The following RAB38 variants were observed in gnomAD, a reference collection of about 807,000 sequenced individuals.
The protein encoded by RAB38 is RAB38, member RAS oncogene family.
In RAB38, 15 loss-of-function variants were observed where a neutral mutation model predicts 18.4. That is an observed-to-expected ratio of 0.82 (90% confidence interval 0.55 to 1.26). The LOEUF (loss-of-function observed/expected upper bound fraction) is 1.26. Ranked by LOEUF, RAB38 falls within the 50% of genes most tolerant of loss-of-function variation. The probability of loss-of-function intolerance (pLI) is 0.00; values close to 1 mark genes in which losing one functional copy is unlikely to be tolerated. For missense variants in RAB38, 294 were observed against 267.4 expected (o/e 1.10, Z -0.69); for synonymous variants, 101 against 104.4 (o/e 0.97, Z 0.20).
At chr11:88,044,077 G>C in the RAB38 span, among the ~76,000 whole-genome samples, 1 of 151,918 alleles carries the variant, frequency 6.6e-6, no homozygotes, top group African/African-American at 2.4e-5. Context: ...TCCTTTTCGG[G>C]TAGAGACAAA....
At chr11:87,902,756 C>T in the RAB38 span, among the ~76,000 whole-genome samples, 3 of 151,044 alleles carry the variant, frequency 2.0e-5, no homozygotes, top group East Asian at 2.0e-4. Context: ...TATGTCTAAG[C>T]GTTTTGCATA....
At chr11:88,004,680 C>G in the RAB38 span, among the ~76,000 whole-genome samples, 4 of 151,130 alleles carry the variant, frequency 2.6e-5, no homozygotes, top group East Asian at 7.7e-4. Context: ...AGCTTGAACA[C>G]AAAGAAACAA....
At chr11:87,815,886 A>G in the RAB38 span, 2 of 152,478 alleles carry the variant, frequency 1.3e-5, no homozygotes, top group Non-Finnish European at 2.9e-5. Flanking sequence ...AGGCAGATGA[A>G]GAATATTGAA....
the RAB38 span, among the ~76,000 whole-genome samples, chr11:87,914,796 C>T: frequency 6.6e-6 from 1 of 152,192 alleles, no homozygotes; most frequent in Non-Finnish European, 1.5e-5. Context: ...CAGGACACTG[C>T]TTCTTGCATC....
the RAB38 span, among the ~76,000 whole-genome samples, chr11:87,974,676 G>T: frequency 4.1e-3 from 588 of 141,860 alleles, 2 homozygotes; most frequent in African/African-American, 0.013. Context: ...ATCATAGTAG[G>T]ATTTTTTTTT....
chr11:87,908,853 C>A, the RAB38 span, among the ~76,000 whole-genome samples: 1 of 151,780 alleles, frequency 6.6e-6, no homozygotes, highest in Non-Finnish European at 1.5e-5. Flanking sequence ...TTTTCTTATC[C>A]TGAATGTTAG....
chr11:87,853,983 C>T, the RAB38 span, among the ~76,000 whole-genome samples: 2 of 152,138 alleles, frequency 1.3e-5, no homozygotes, highest in African/African-American at 4.8e-5. Flanking sequence ...TGTCCCTCTC[C>T]TCTATCTTCA....
the RAB38 span, among the ~76,000 whole-genome samples, chr11:87,846,178 G>A: frequency 2.0e-5 from 3 of 152,054 alleles, 1 homozygote; most frequent in Middle Eastern, 0.01. Flanking sequence ...AGGAAGGGGA[G>A]GATATGCAAA....
At chr11:87,957,441 C>T in the RAB38 span, among the ~76,000 whole-genome samples, 1 of 151,796 alleles carries the variant, frequency 6.6e-6, no homozygotes, top group African/African-American at 2.4e-5. Context: ...TTTATGTGAC[C>T]CCCATACCCA....
the RAB38 span, among the ~76,000 whole-genome samples, chr11:87,956,794 C>A: frequency 6.6e-6 from 1 of 152,002 alleles, no homozygotes; most frequent in Non-Finnish European, 1.5e-5. Flanking sequence ...AGGAGTACTG[C>A]ACCAAACCTG....
the RAB38 span, among the ~76,000 whole-genome samples, chr11:87,930,935 GGT>G: frequency 6.6e-6 from 1 of 151,980 alleles, no homozygotes; most frequent in Non-Finnish European, 1.5e-5. Context: ...TCTCTGTTTT[GGT>G]ACCAGTACCA....
the RAB38 span, among the ~76,000 whole-genome samples, chr11:87,924,013 A>G: frequency 6.7e-6 from 1 of 148,882 alleles, no homozygotes; most frequent in Non-Finnish European, 1.5e-5. Flanking sequence ...AGAAACAACA[A>G]AAAGCTGAAG....
the RAB38 span, among the ~76,000 whole-genome samples, chr11:88,088,528 G>A: frequency 6.6e-6 from 1 of 151,768 alleles, no homozygotes; most frequent in African/African-American, 2.4e-5. Context: ...CTGAAGAGGG[G>A]AGCTATATTT....
chr11:88,117,055 A>C lies in RAB38; in HGVS notation c.484-2915T>G, dbSNP rs117808062. Among the ~76,000 whole-genome samples, 1,116 of 152,310 alleles carry C rather than the reference A, an allele frequency of 7.3e-3. 7 individuals carry two copies. Among genetic ancestry groups the C allele is most frequent in the Non-Finnish European group, 0.013 (852 of 68,008 alleles). ...GTTTGCGAGTTTTAACACACCAAGT[A>C]AAGTCTAGATGGTATTAGGCCTAGG... is the stretch of plus-strand genomic sequence containing the variant. On this transcript the variant is annotated intron_variant, in intron 2 of 2. Transcript: ENST00000243662.
the RAB38 span, among the ~76,000 whole-genome samples, chr11:87,866,430 A>T: frequency 0.06 from 9,051 of 151,728 alleles, 375 homozygotes; most frequent in Admixed American, 0.088. Flanking sequence ...TCTCTTTATA[A>T]ACATGTTTAT....
the RAB38 span, among the ~76,000 whole-genome samples, chr11:87,896,620 C>T: frequency 1.3e-5 from 2 of 151,564 alleles, no homozygotes; most frequent in East Asian, 3.9e-4. Flanking sequence ...AATAAAAAAA[C>T]AGAGAATTGG....
the RAB38 span, among the ~76,000 whole-genome samples, chr11:88,090,588 A>G: frequency 1.7e-5 from 2 of 121,076 alleles, no homozygotes; most frequent in African/African-American, 2.9e-5. Context: ...AAATAAAGTA[A>G]CAATGAGAAA....
chr11:88,115,782 A>C (rs1014920447), intron 2 of RAB38: 4 of 152,248 alleles, frequency 2.6e-5, no homozygotes, highest in African/African-American at 9.6e-5. Context: ...GACAGAGTGC[A>C]GCAGACATTA....
chr11:88,025,881 G>T, the RAB38 span, among the ~76,000 whole-genome samples: 3 of 151,980 alleles, frequency 2.0e-5, no homozygotes, highest in Admixed American at 6.6e-5. Context: ...ATTTAATTAG[G>T]TCCCATTTGT....
Sources: gnomAD v4.1 joint callset for allele counts (sites outside exome capture counted in the v4.1 genomes callset) on GRCh38, gnomAD v4.1.1 for gene constraint, MANE v1.5 for transcripts, NCBI Gene and HGNC (gene_info 2026-07-23, HGNC 2026-07-21) for gene names.